The following STXBP5L variants were observed in gnomAD, a reference collection of about 807,000 sequenced individuals.
STXBP5L encodes the protein syntaxin binding protein 5L.
STXBP5L carries 65 observed loss-of-function variants against 144.5 expected under a neutral mutation model. The observed-to-expected ratio is 0.45, with a 90% CI of 0.37 to 0.55. The LOEUF is 0.55. Ranked by LOEUF, STXBP5L falls within the 20% of genes least tolerant of loss-of-function variation. STXBP5L has a pLI of 0.00. For synonymous variants in STXBP5L, 505 were observed against 469.6 expected, an observed-to-expected ratio of 1.08 and a Z score of -0.97; for missense variants, 1,298 against 1,405.5, an observed-to-expected ratio of 0.92 and a Z score of 1.22.
intron 7 of STXBP5L, among the ~76,000 whole-genome samples, chr3:121,126,046 G>A (rs1186229543): frequency 2.6e-5 from 4 of 152,134 alleles, no homozygotes; most frequent in Non-Finnish European, 5.9e-5. Flanking sequence ...AAATAGTAGA[G>A]TGATAATGAA....
At chr3:120,953,849 T>C (rs1937721500) in intron 2 of STXBP5L, among the ~76,000 whole-genome samples, 1 of 152,176 alleles carries the variant, frequency 6.6e-6, no homozygotes, top group African/African-American at 2.4e-5. Context: ...AGTACAATAT[T>C]GAATAGAGGT....
intron 2 of STXBP5L, among the ~76,000 whole-genome samples, chr3:120,910,454 A>G (rs1708771523): frequency 6.6e-6 from 1 of 152,218 alleles, no homozygotes; most frequent in Non-Finnish European, 1.5e-5. Flanking sequence ...AGGTTAATGC[A>G]TAGAGATATT....
intron 5 of STXBP5L, among the ~76,000 whole-genome samples, chr3:121,078,788 C>T (rs2042133160): frequency 6.6e-6 from 1 of 152,280 alleles, no homozygotes; most frequent in South Asian, 2.1e-4. Context: ...TCCGCAGCCG[C>T]TGGCCCAGGT....
At chr3:121,105,599 G>A (rs986377077) in intron 5 of STXBP5L, among the ~76,000 whole-genome samples, 46 of 152,044 alleles carry the variant, frequency 3.0e-4, no homozygotes, top group Non-Finnish European at 4.9e-4. Flanking sequence ...CTTCTACACT[G>A]TTGGTGGGAA....
At position 121,014,266 on chromosome 3, in the gene STXBP5L, G is replaced by T. The variant is rs193299458; in HGVS notation, c.288-27434G>T. On this transcript the variant is annotated intron_variant, in intron 3 of 26. Transcript: ENST00000471454. The stretch of plus-strand genomic sequence containing the variant: ...AATGATATTAATTCTTCCAATCCAT[G>T]AATATAGAATGCTTTTCTATTTGTT... Among the ~76,000 whole-genome samples, 39 of 152,074 alleles carry T rather than the reference G, an allele frequency of 2.6e-4. No homozygotes were observed. The East Asian group carries it at 6.4e-3, about 25-fold the overall frequency.
chr3:120,979,725 C>T (rs1020506836), intron 3 of STXBP5L, among the ~76,000 whole-genome samples: 6 of 152,090 alleles, frequency 3.9e-5, no homozygotes, highest in Admixed American at 1.3e-4. Flanking sequence ...TTTGTTTGGT[C>T]TCAGTTTCAT....
rs181176948 is a variant in STXBP5L at position 120,916,081 on chromosome 3, C to G, written c.189+6314C>G. 5.9e-5 allele frequency among the ~76,000 whole-genome samples: 9 copies of G among 152,122 alleles called. No homozygotes were observed. In the East Asian group the frequency reaches 1.7e-3, roughly 29 times the overall value. ...ATGCTTTCTGGGATTGATTTATCAG[C>G]AAAATCACCTATGATATATTCTGGA... On this transcript the variant is annotated intron_variant, in intron 2 of 26. Transcript: ENST00000471454.
chr3:121,419,047 T>C lies in STXBP5L; in HGVS notation c.3448-9T>C. 1 of 1,611,032 alleles carries C rather than the reference T, an allele frequency of 6.2e-7. No individual in the cohort carries two copies. On this transcript the variant is annotated splice_polypyrimidine_tract_variant and intron_variant, in intron 26 of 26. Coordinates refer to ENST00000471454, the MANE Select transcript of STXBP5L (RefSeq NM_001308330.2). ...TTAGCGTCTTATGGTGGCTATTTTTTCTTTGCAGTTAATGCTGAAATACAA... is the reference window on the plus strand; with the variant it reads ...TTAGCGTCTTATGGTGGCTATTTTTCCTTTGCAGTTAATGCTGAAATACAA...
intron 7 of STXBP5L, among the ~76,000 whole-genome samples, chr3:121,121,908 T>C (rs1417840315): frequency 6.6e-6 from 1 of 151,068 alleles, no homozygotes; most frequent in Non-Finnish European, 1.5e-5. Flanking sequence ...AGTCTTTAGC[T>C]TTACTGAGAG....
intron 9 of STXBP5L, among the ~76,000 whole-genome samples, chr3:121,163,171 CA>C (rs2046381176): frequency 6.6e-6 from 1 of 152,140 alleles, no homozygotes; most frequent in Non-Finnish European, 1.5e-5. Flanking sequence ...GGAACCAACC[CA>C]AATGTCCATC....
Position 121,407,465 on chromosome 3 carries a change from T to C in STXBP5L, c.2810T>C (p.Phe937Ser). 1 of 1,613,388 alleles carries C rather than the reference T, an allele frequency of 6.2e-7. No homozygotes were observed. The highest frequency in any genetic ancestry group is 8.5e-7 in the Non-Finnish European group (1 of 1,179,510). The change falls in exon 23 of 27, where the codon TTC becomes TCC. Residue 937 changes from phenylalanine (F) to serine (S), a missense_variant. By Grantham distance (155) the Phe-to-Ser change is radical (BLOSUM62 -2). Transcript: ENST00000471454. ...TGCTCAGAAAAACAAGCCAAAGTCT[T>C]CTCACTGCCTTCTCAGACTTGCCTT... ...IICSEKQAKV[F>S]SLPSQTCLYV...
intron 3 of STXBP5L, among the ~76,000 whole-genome samples, chr3:120,989,748 T>C (rs1169674906): frequency 6.6e-6 from 1 of 152,184 alleles, no homozygotes; most frequent in Non-Finnish European, 1.5e-5. Flanking sequence ...GTCCCACTGG[T>C]GAATTGATCC....
intron 10 of STXBP5L, among the ~76,000 whole-genome samples, chr3:121,208,717 T>C (rs2048436269): frequency 1.3e-5 from 2 of 152,206 alleles, no homozygotes; most frequent in African/African-American, 2.4e-5. Flanking sequence ...CAGGACACTA[T>C]ATTAACTGTT....
chr3:120,978,236 G>C (rs569282401), intron 3 of STXBP5L, among the ~76,000 whole-genome samples: 1 of 152,186 alleles, frequency 6.6e-6, no homozygotes, highest in East Asian at 1.9e-4. Context: ...TGGAGGCTTT[G>C]TTCGTTTCTT....
chr3:120,910,595 A>T (rs562550124), intron 2 of STXBP5L, among the ~76,000 whole-genome samples: 1 of 152,288 alleles, frequency 6.6e-6, no homozygotes, highest in South Asian at 2.1e-4. Context: ...ATATAAATGA[A>T]TATAGTTTTG....
intron 7 of STXBP5L, among the ~76,000 whole-genome samples, chr3:121,125,298 G>C (rs1395710851): frequency 6.6e-6 from 1 of 151,964 alleles, no homozygotes; most frequent in Non-Finnish European, 1.5e-5. Context: ...GTGGAACCCT[G>C]TCTCTACCAA....
Position 121,254,949 on chromosome 3 carries a change from A to G in STXBP5L, c.1496A>G (p.Lys499Arg). ...ACTTCAAAAGTGTTTGAAAAACAGA[A>G]GGTAGGAGAAGGAAAACAAACATGT... ...LKTSKVFEKQKVGEGKQTCEI... is the reference protein window; with the variant it reads ...LKTSKVFEKQRVGEGKQTCEI... Residue 499 changes from lysine (K) to arginine (R), a missense_variant, in exon 16 of 27, where the codon AAG (lysine) becomes AGG (arginine). Coordinates refer to ENST00000471454, the MANE Select transcript of STXBP5L (RefSeq NM_001308330.2). 1 of 1,613,554 alleles carries G rather than the reference A, an allele frequency of 6.2e-7. No individual in the cohort carries two copies.
chr3:121,231,709 T>C (rs1028161934), intron 11 of STXBP5L, among the ~76,000 whole-genome samples: 1 of 152,110 alleles, frequency 6.6e-6, no homozygotes, highest in Non-Finnish European at 1.5e-5. Flanking sequence ...AATCACCCAA[T>C]GGGTTGGGTA....
chr3:121,349,388 A>G (rs940817345), intron 20 of STXBP5L, among the ~76,000 whole-genome samples: 5 of 151,354 alleles, frequency 3.3e-5, no homozygotes, highest in Admixed American at 2.7e-4. Flanking sequence ...CTATGTGGTC[A>G]ATTTTGGAAT....
Sources: gnomAD v4.1 joint callset for allele counts (sites outside exome capture counted in the v4.1 genomes callset) on GRCh38, gnomAD v4.1.1 for gene constraint, MANE v1.5 for transcripts, NCBI Gene and HGNC (gene_info 2026-07-23, HGNC 2026-07-21) for gene names.